Variants in KCNJ5 observed in about 807,000 individuals in gnomAD.
The protein encoded by KCNJ5 is potassium inwardly rectifying channel subfamily J member 5, also known as G protein-activated inward rectifier potassium channel 4.
KCNJ5 carries 12 observed loss-of-function variants against 20.2 expected under a neutral mutation model. The observed-to-expected ratio is 0.59, with a 90% CI of 0.38 to 0.96. The LOEUF (loss-of-function observed/expected upper bound fraction) is 0.96. Ranked by LOEUF, KCNJ5 falls within the 40% of genes least tolerant of loss-of-function variation. KCNJ5 has a pLI of 0.00. For missense variants in KCNJ5, 449 were observed against 557.6 expected (o/e 0.81, Z 1.96); for synonymous variants, 210 against 213.9 (o/e 0.98, Z 0.16).
chr11:128,892,141 C>T (rs1591435808), intron 1 of KCNJ5, among the ~76,000 whole-genome samples: 1 of 152,246 alleles, frequency 6.6e-6, no homozygotes, highest in Non-Finnish European at 1.5e-5. Context: ...AGATCCCCAG[C>T]CTAATCTTGC....
At chr11:128,904,085 A>G (rs1944346727) in intron 1 of KCNJ5, among the ~76,000 whole-genome samples, 1 of 152,226 alleles carries the variant, frequency 6.6e-6, no homozygotes, top group Non-Finnish European at 1.5e-5. Flanking sequence ...GAGGCGACTA[A>G]AACGGACTTA....
At chr11:128,902,891 A>C (rs1294629161) in intron 1 of KCNJ5, among the ~76,000 whole-genome samples, 1 of 152,206 alleles carries the variant, frequency 6.6e-6, no homozygotes, top group Admixed American at 6.5e-5. Flanking sequence ...TCTGACTCAC[A>C]CATAGATTCT....
intron 1 of KCNJ5, among the ~76,000 whole-genome samples, chr11:128,897,746 G>C (rs533271759): frequency 6.6e-6 from 1 of 152,178 alleles, no homozygotes; most frequent in Admixed American, 6.5e-5. Flanking sequence ...ATCTTGAAGA[G>C]TGTCTCCCAT....
intron 1 of KCNJ5, among the ~76,000 whole-genome samples, chr11:128,893,683 G>C (rs34444372): frequency 0.25 from 30,083 of 121,450 alleles, 3,046 homozygotes; most frequent in African/African-American, 0.26. Context: ...TTCAGCTAAA[G>C]GAGGAGCCAA....
chr11:128,904,572 C>T (rs368037087), intron 1 of KCNJ5: 1 of 1,031,950 alleles, frequency 9.7e-7, no homozygotes. Context: ...AACATCACTG[C>T]GGCTTCTTAG....
rs1460618798 is a variant in KCNJ5, at chr11:128,918,282, A to C, written c.*1551A>C. 1 of 152,216 alleles carries C rather than the reference A, an allele frequency of 6.6e-6. No individual in the cohort carries two copies. Among genetic ancestry groups the C allele is most frequent in the East Asian group, 1.9e-4 (1 of 5,162 alleles). 9.4% of individuals were successfully genotyped at this position (152,216 alleles called of 1,614,324 possible). A position where few individuals can be genotyped will look rare whatever the true frequency, so the allele number is the denominator to read the frequency against. ...GGAATGGCTGCCCCTCCCAGGCTGGAAACAAGAGGGCAAGCGGGGTCAGCA... is the reference window on the plus strand; with the variant it reads ...GGAATGGCTGCCCCTCCCAGGCTGGCAACAAGAGGGCAAGCGGGGTCAGCA... On this transcript the variant is annotated 3_prime_UTR_variant, in exon 3 of 3. Coordinates refer to ENST00000529694, the MANE Select transcript of KCNJ5 (RefSeq NM_000890.5).
At chr11:128,900,308 C>T (rs1331638503) in intron 1 of KCNJ5, 1 of 152,186 alleles carries the variant, frequency 6.6e-6, no homozygotes, top group Non-Finnish European at 1.5e-5. Flanking sequence ...CCATTTAATC[C>T]TTCTCTCTCT....
Position 128,920,251 on chromosome 11 carries a change from C to T in KCNJ5, c.*3520C>T, listed in dbSNP as rs1016933234. Reference sequence around the variant, plus strand: ...TGACTCTCCCCTTCAGACTCCCCTCCCACCGGCCTCCTGTGTAGTCAGAGA... The same window carrying T: ...TGACTCTCCCCTTCAGACTCCCCTCTCACCGGCCTCCTGTGTAGTCAGAGA... On this transcript the variant is annotated 3_prime_UTR_variant, in exon 3 of 3. Coordinates refer to ENST00000529694, the MANE Select transcript of KCNJ5 (RefSeq NM_000890.5). 1 of 152,560 alleles carries T rather than the reference C, an allele frequency of 6.6e-6. No homozygotes were observed. The highest frequency in any genetic ancestry group is 2.4e-5 in the African/African-American group (1 of 41,432). 9.5% of individuals were successfully genotyped at this position (152,560 alleles called of 1,614,324 possible).
intron 1 of KCNJ5, among the ~76,000 whole-genome samples, chr11:128,897,236 T>C (rs1944192512): frequency 6.6e-6 from 1 of 151,764 alleles, no homozygotes; most frequent in Non-Finnish European, 1.5e-5. Context: ...TAACTGGGAC[T>C]ACAGGTGCGT....
intron 2 of KCNJ5, among the ~76,000 whole-genome samples, chr11:128,912,848 CACAG>C (rs1169041650): frequency 5.3e-5 from 8 of 152,162 alleles, no homozygotes; most frequent in African/African-American, 1.9e-4. Flanking sequence ...GACACAGGGA[CACAG>C]ACAGGCTAAA....
Position 128,919,681 on chromosome 11 carries a change from G to A in KCNJ5, c.*2950G>A, listed in dbSNP as rs1172417691. The stretch of plus-strand genomic sequence containing the variant: ...CAAAACATTTAATTAATTTATTTAT[G>A]TAGAGACAGGGTCTCGCTCTGTCGC... On this transcript the variant is annotated 3_prime_UTR_variant, in exon 3 of 3. Transcript: ENST00000529694. 2 of 152,234 alleles carry A rather than the reference G, an allele frequency of 1.3e-5. No individual in the cohort carries two copies. The highest frequency in any genetic ancestry group is 4.8e-5 in the African/African-American group (2 of 41,440). The allele number at this position is 152,234 out of a possible 1,614,324, so 9.4% of individuals were successfully genotyped here. A position where few individuals can be genotyped will look rare whatever the true frequency, so the allele number is the denominator to read the frequency against.
At chr11:128,910,447 G>T (rs934176867) in intron 1 of KCNJ5, among the ~76,000 whole-genome samples, 2 of 152,230 alleles carry the variant, frequency 1.3e-5, no homozygotes, top group Non-Finnish European at 2.9e-5. Flanking sequence ...CACTCAGACG[G>T]TAGGGGTGAC....
chr11:128,893,700 G>A (rs546611372), intron 1 of KCNJ5, among the ~76,000 whole-genome samples: 10 of 3,856 alleles, frequency 2.6e-3, no homozygotes, highest in Non-Finnish European at 4.1e-3. Context: ...CCAAGGGTGA[G>A]GGGGGGGGTC....
At chr11:128,902,251 A>G (rs1385545075) in intron 1 of KCNJ5, 17 of 448,526 alleles carry the variant, frequency 3.8e-5, no homozygotes, top group African/African-American at 6.0e-5. Context: ...CATCCATTAC[A>G]TCGGCGCCAG....
At chr11:128,898,536 G>A (rs1407792248) in intron 1 of KCNJ5, among the ~76,000 whole-genome samples, 2 of 152,228 alleles carry the variant, frequency 1.3e-5, no homozygotes, top group Non-Finnish European at 2.9e-5. Context: ...CTTCAGCTGG[G>A]TCTCTCATCT....
At chr11:128,915,822 G>T (rs994096311) in intron 2 of KCNJ5, among the ~76,000 whole-genome samples, 1 of 150,000 alleles carries the variant, frequency 6.7e-6, no homozygotes, top group Non-Finnish European at 1.5e-5. Context: ...TGGATGGATG[G>T]ATGGATGGAT....
At chr11:128,904,663 A>G (rs1944364819) in intron 1 of KCNJ5, 1 of 658,916 alleles carries the variant, frequency 1.5e-6, no homozygotes. Flanking sequence ...GGGAAAGCAC[A>G]GGAACGAATG....
chr11:128,906,982 C>G (rs561874473), intron 1 of KCNJ5, among the ~76,000 whole-genome samples: 1 of 152,238 alleles, frequency 6.6e-6, no homozygotes, highest in East Asian at 1.9e-4. Flanking sequence ...TGTAACACCT[C>G]GAATGCTTCC....
chr11:128,906,509 A>G (rs1187062733), intron 1 of KCNJ5, among the ~76,000 whole-genome samples: 1 of 152,132 alleles, frequency 6.6e-6, no homozygotes, highest in Non-Finnish European at 1.5e-5. Context: ...CAGCATTCTC[A>G]TGTGGAACTC....
Sources: gnomAD v4.1 joint callset for allele counts (sites outside exome capture counted in the v4.1 genomes callset) on GRCh38, gnomAD v4.1.1 for gene constraint, MANE v1.5 for transcripts, NCBI Gene and HGNC (gene_info 2026-07-23, HGNC 2026-07-21) for gene names.